The following DNAJB1 variants were observed in gnomAD, a reference collection of about 807,000 sequenced individuals.
The protein encoded by DNAJB1 is DnaJ heat shock protein family (Hsp40) member B1.
A neutral mutation model predicts 24.0 loss-of-function variants in DNAJB1; 14 were observed. The observed-to-expected ratio is 0.58, with a 90% CI of 0.39 to 0.91. The LOEUF (loss-of-function observed/expected upper bound fraction) is 0.91. Ranked by LOEUF, DNAJB1 falls within the 40% of genes least tolerant of loss-of-function variation. The pLI is 0.00. For synonymous variants in DNAJB1, 262 were observed against 174.4 expected, an observed-to-expected ratio of 1.50 and a Z score of -3.96; for missense variants, 517 against 458.1, an observed-to-expected ratio of 1.13 and a Z score of -1.17.
At chr19:14,546,578 C>G (rs1030011938) in intron 1 of DNAJB1, among the ~76,000 whole-genome samples, 2 of 152,194 alleles carry the variant, frequency 1.3e-5, no homozygotes, top group African/African-American at 2.4e-5. Context: ...ATTACAGAAA[C>G]AGGGCTCTCA....
chr19:14,542,345 G>GTTTTTTT (rs2073123375), intron 1 of DNAJB1, among the ~76,000 whole-genome samples: 1 of 61,000 alleles, frequency 1.6e-5, no homozygotes, highest in South Asian at 4.6e-4. Flanking sequence ...TCATGCCATA[G>GTTTTTTT]TGTTTTTTTT....
In DNAJB1 at chr19:14,516,099, A is replaced by G. The variant is rs2230251; in HGVS notation, c.864T>C (p.Val288=). The G allele has an allele frequency of 3.3e-3, 5,256 of 1,613,854 alleles. 96 individuals are homozygous for G. The highest frequency in any genetic ancestry group is 0.028 in the South Asian group (2,585 of 91,070). ...GRTIPVVFKD[V]IRPGMRRKVP... ...CTTTTCGCCGCATGCCAGGCCTGAT[A>G]ACATCTTTGAATACGACGGGTATCG... The change falls in exon 3 of 3, where the codon GTT becomes GTC. Residue 288 remains valine (V), a synonymous_variant. Transcript: ENST00000254322.
At chr19:14,545,130 C>A in intron 1 of DNAJB1, 1 of 456,722 alleles carries the variant, frequency 2.2e-6, no homozygotes, top group Non-Finnish European at 4.4e-6. Context: ...GATGATTCTT[C>A]AAGAAACCAA....
chr19:14,535,274 G>A (rs982035225), intron 1 of DNAJB1, among the ~76,000 whole-genome samples: 12 of 151,692 alleles, frequency 7.9e-5, no homozygotes, highest in African/African-American at 2.7e-4. Context: ...TTGGGAGGCC[G>A]AGGTGGGTGA....
rs527843609 is a variant in DNAJB1, at chr19:14,555,400, T to C, written c.-2165-1082A>G. ...AGTAGCTGGGATTACAGGTGCCCAC[T>C]GCCATGCCCAGCAAATTTTTTTGTA... On this transcript the variant is annotated intron_variant, in intron 1 of 5. Transcript: ENST00000679223. Among the ~76,000 whole-genome samples the C allele has an allele frequency of 2.7e-3, 407 of 149,756 alleles. 4 individuals are homozygous for C. The highest frequency in any genetic ancestry group is 9.6e-3 in the African/African-American group (391 of 40,794).
upstream of DNAJB1, among the ~76,000 whole-genome samples, chr19:14,522,678 A>T (rs2072374285): frequency 1.3e-5 from 1 of 75,378 alleles, no homozygotes; most frequent in Non-Finnish European, 2.6e-5. Context: ...ACAGACACAC[A>T]CACAGACACA....
At chr19:14,539,140 A>ATTTTTT (rs57801378) in intron 1 of DNAJB1, among the ~76,000 whole-genome samples, 7 of 92,542 alleles carry the variant, frequency 7.6e-5, no homozygotes, top group Admixed American at 1.4e-4. Context: ...CGCCCGGCTA[A>ATTTTTT]TTTTTTTTTT....
chr19:14,522,834 C>A (rs76057858), upstream of DNAJB1, among the ~76,000 whole-genome samples: 461 of 152,266 alleles, frequency 3.0e-3, 4 homozygotes, highest in African/African-American at 0.011. Flanking sequence ...CCTGGACCAA[C>A]TGTTTCCTTA....
In DNAJB1 at chr19:14,516,679, G is replaced by A. The variant is rs1354043197; in HGVS notation, c.579C>T (p.Asp193=). The change falls in exon 2 of 3, where the codon GAC becomes GAT. Residue 193 remains aspartate, a synonymous_variant. Transcript: ENST00000254322. ...TGTCTTCGTTTCGAATGCTCTTTCC[G>A]TCGGGGTTTAGCCGCTTGTGGGAGA... ...MKISHKRLNP[D]GKSIRNEDKI... 3 of 1,614,000 alleles carry A rather than the reference G, an allele frequency of 1.9e-6. No homozygotes were observed. The highest frequency in any genetic ancestry group is 2.5e-6 in the Non-Finnish European group (3 of 1,179,970).
chr19:14,518,835 C>T (rs978398824), upstream of DNAJB1, among the ~76,000 whole-genome samples: 2 of 152,264 alleles, frequency 1.3e-5, no homozygotes, highest in African/African-American at 4.8e-5. Flanking sequence ...TCGCCCTTGT[C>T]TCGTGGGGCC....
chr19:14,529,522 G>C (rs376552790), upstream of DNAJB1: 1 of 839,248 alleles, frequency 1.2e-6, no homozygotes, highest in Non-Finnish European at 2.0e-6. Flanking sequence ...AGGGGCGAAC[G>C]TGGGCGCCTC....
At chr19:14,542,713 G>A (rs55642076) in intron 1 of DNAJB1, among the ~76,000 whole-genome samples, 1 of 152,110 alleles carries the variant, frequency 6.6e-6, no homozygotes, top group African/African-American at 2.4e-5. Flanking sequence ...CTTATTCTGA[G>A]AAGTGTACCG....
At chr19:14,533,854 G>A (rs941774023), upstream of DNAJB1, 2 of 152,132 alleles carry the variant, frequency 1.3e-5, no homozygotes, top group Non-Finnish European at 2.9e-5. Context: ...GAGCTAGGTC[G>A]GTAAGCGAAC....
chr19:14,516,166 A>G lies in DNAJB1; in HGVS notation c.797T>C (p.Leu266Pro). The change falls in exon 3 of 3, where the codon CTG becomes CCG. Residue 266 changes from leucine to proline, a missense_variant. Coordinates refer to ENST00000254322, the MANE Select transcript of DNAJB1 (RefSeq NM_006145.3). The stretch of plus-strand genomic sequence containing the variant: ...GGGGACGTTCACTGTGCAGCCACAC[A>G]GAGCCTTGAAAAGCAAAAGGACAGC... ...YPARISLREALCGCTVNVPTL... is the reference protein window; with the variant it reads ...YPARISLREAPCGCTVNVPTL... The G allele has an allele frequency of 6.2e-7, 1 of 1,613,528 alleles. No individual in the cohort carries two copies. Among genetic ancestry groups the G allele is most frequent in the Middle Eastern group, 1.7e-4 (1 of 6,060 alleles).
chr19:14,540,028 C>A (rs1025613060), intron 1 of DNAJB1, among the ~76,000 whole-genome samples: 2 of 151,210 alleles, frequency 1.3e-5, no homozygotes, highest in African/African-American at 4.9e-5. Context: ...TACAGGTACC[C>A]GCCACCATGC....
chr19:14,557,977 G>T (rs1347077366), intron 1 of DNAJB1, among the ~76,000 whole-genome samples: 1 of 150,780 alleles, frequency 6.6e-6, no homozygotes, highest in African/African-American at 2.4e-5. Context: ...GGATGGTCTC[G>T]ATCTCCTGAC....
upstream of DNAJB1, among the ~76,000 whole-genome samples, chr19:14,518,689 TC>T (rs2072324866): frequency 6.6e-6 from 1 of 152,150 alleles, no homozygotes; most frequent in African/African-American, 2.4e-5. Context: ...TCTTTCCCTC[TC>T]TACGCGGCCC....
intron 1 of DNAJB1, among the ~76,000 whole-genome samples, chr19:14,547,427 C>G (rs1330484171): frequency 6.6e-6 from 1 of 152,070 alleles, no homozygotes; most frequent in Non-Finnish European, 1.5e-5. Context: ...GTGGCATGAA[C>G]TCTGCTCACT....
At chr19:14,529,587 G>A (rs372602559), upstream of DNAJB1, 5 of 1,555,862 alleles carry the variant, frequency 3.2e-6, no homozygotes, top group East Asian at 4.5e-5. Context: ...GGCGGACGCA[G>A]AGCCGCGTTT....
Sources: allele counts gnomAD v4.1 joint callset (sites outside exome capture counted in the v4.1 genomes callset), GRCh38; gene constraint gnomAD v4.1.1; transcripts MANE v1.5; gene names NCBI Gene and HGNC (gene_info 2026-07-23, HGNC 2026-07-21).